CDC42: variants seen among roughly 807,000 people sequenced by gnomAD.
CDC42 encodes cell division cycle 42.
CDC42 carries 1 observed loss-of-function variant against 20.8 expected under a neutral mutation model. That is an observed-to-expected ratio of 0.05 (90% confidence interval 0.02 to 0.23). The LOEUF is 0.23. CDC42 is among the 10% of genes least tolerant of loss of function. CDC42 has a pLI of 1.00. For synonymous variants in CDC42, 72 were observed against 84.8 expected, an observed-to-expected ratio of 0.85 and a Z score of 0.83; for missense variants, 49 against 227.9, an observed-to-expected ratio of 0.21 and a Z score of 5.05.
At chr1:22,054,117 C>G (rs979296542) in intron 1 of CDC42, among the ~76,000 whole-genome samples, 3 of 152,036 alleles carry the variant, frequency 2.0e-5, no homozygotes, top group Non-Finnish European at 4.4e-5. Context: ...CTATGCTAGA[C>G]ATTTTAGTTT....
chr1:22,073,821 T>G (rs1223338297), intron 1 of CDC42, among the ~76,000 whole-genome samples: 1 of 9,432 alleles, frequency 1.1e-4, no homozygotes, highest in African/African-American at 3.0e-4. Context: ...ACCCAGCTAA[T>G]TTTTTTTTTT....
intron 2 of CDC42, among the ~76,000 whole-genome samples, chr1:22,079,997 A>G (rs1335771017): frequency 6.6e-6 from 1 of 152,196 alleles, no homozygotes; most frequent in Non-Finnish European, 1.5e-5. Flanking sequence ...TAATGTTCTC[A>G]TGGTACCTGT....
chr1:22,086,941 T>TA, intron 5 of CDC42, 75 bp downstream of exon 5: 1 of 1,239,336 alleles, frequency 8.1e-7, no homozygotes, highest in Non-Finnish European at 1.2e-6. Context: ...AGGAGTTATT[T>TA]CTAACAGTGA....
intron 1 of CDC42, among the ~76,000 whole-genome samples, chr1:22,057,584 A>G (rs1171583126): frequency 2.6e-5 from 4 of 151,654 alleles, no homozygotes; most frequent in Non-Finnish European, 4.4e-5. Context: ...GGGTTTCTCT[A>G]TGTTGGTCAG....
At position 22,091,608 on chromosome 1, in the gene CDC42, C is replaced by T. The variant is rs1003030499; in HGVS notation, c.*91C>T. The T allele has an allele frequency of 3.5e-5, 35 of 992,144 alleles. No individual in the cohort carries two copies. The highest frequency in any genetic ancestry group is 3.1e-4 in the African/African-American group (19 of 61,336). The allele number at this position is 992,144 out of a possible 1,614,324, so 61.5% of individuals were successfully genotyped here. On this transcript the variant is annotated 3_prime_UTR_variant, in exon 6 of 6. Coordinates refer to ENST00000656825, the MANE Select transcript of CDC42 (RefSeq NM_001791.4). ...AAACTAAAGATTAAAAATTAAAATT[C>T]GTTTTTGCAATAATGACAAATGCCC...
chr1:22,084,185 A>G (rs1027408360), intron 3 of CDC42, among the ~76,000 whole-genome samples: 3 of 152,152 alleles, frequency 2.0e-5, no homozygotes, highest in Non-Finnish European at 4.4e-5. Context: ...TTTGGGGTAT[A>G]TACCCAGAAG....
At chr1:22,067,796 C>A (rs1235550823) in intron 1 of CDC42, among the ~76,000 whole-genome samples, 3 of 152,200 alleles carry the variant, frequency 2.0e-5, no homozygotes, top group African/African-American at 7.2e-5. Flanking sequence ...CTTCTAACAA[C>A]GTCACACTGG....
chr1:22,079,508 TGA>T, intron 2 of CDC42, among the ~76,000 whole-genome samples: 1 of 151,876 alleles, frequency 6.6e-6, no homozygotes, highest in South Asian at 2.1e-4. Context: ...AATATTGAAG[TGA>T]GAGAGAGACA....
In CDC42 at chr1:22,100,243, C is replaced by G. The variant is rs182297916; in HGVS notation, c.*8726C>G. 7.9e-4 allele frequency among the ~76,000 whole-genome samples: 120 copies of G among 152,198 alleles called. No individual in the cohort carries two copies. The highest frequency in any genetic ancestry group is 2.7e-3 in the African/African-American group (111 of 41,538). On this transcript the variant is annotated 3_prime_UTR_variant, in exon 6 of 6. Transcript: ENST00000656825. The stretch of plus-strand genomic sequence containing the variant: ...CTGCAAACGGTCAGGGATACTCATG[C>G]AGTTTTTGAGTTTAAGTAGTAAACT...
chr1:22,055,495 T>G (rs1376930237), intron 1 of CDC42, among the ~76,000 whole-genome samples: 1 of 151,362 alleles, frequency 6.6e-6, no homozygotes, highest in Non-Finnish European at 1.5e-5. Context: ...TGGTGATTTT[T>G]TTTTTTTTTT....
Position 22,097,689 on chromosome 1 carries a change from T to C in CDC42, c.*6172T>C, listed in dbSNP as rs762806896. ...TAGAACTAGCTTGGAACAGAATGGG[T>C]AAACTTCTGTGAAGTTAGACACTTG... is the stretch of plus-strand genomic sequence containing the variant. On this transcript the variant is annotated 3_prime_UTR_variant, in exon 6 of 6. Transcript: ENST00000656825. Among the ~76,000 whole-genome samples, 3 of 152,254 alleles carry C rather than the reference T, an allele frequency of 2.0e-5. No homozygotes were observed. Among genetic ancestry groups the C allele is most frequent in the African/African-American group, 4.8e-5 (2 of 41,470 alleles).
chr1:22,081,791 G>C lies in CDC42; in HGVS notation c.175G>C (p.Ala59Pro). The C allele has an allele frequency of 6.3e-7, 1 of 1,588,348 alleles. No homozygotes were observed. Reference protein sequence around the residue: ...EPYTLGLFDTAGQEDYDRLRP... With the variant: ...EPYTLGLFDTPGQEDYDRLRP... ...ATATACTCTTGGACTTTTTGATACT[G>C]CAGGTGAAAACTTAATGTCTTTTAT... The change falls in exon 3 of 6, where the codon GCA becomes CCA. Residue 59 changes from alanine (A) to proline (P), a missense_variant. Around this residue, in one of 2 missense-constraint regions of CDC42, gnomAD observed 11 missense variants for 121.3 expected, o/e 0.09. Transcript: ENST00000656825.
At chr1:22,055,867 GTTTT>G (rs35437576) in intron 1 of CDC42, among the ~76,000 whole-genome samples, 73 of 126,664 alleles carry the variant, frequency 5.8e-4, no homozygotes, top group African/African-American at 2.1e-3. Flanking sequence ...TTGTTTTAGA[GTTTT>G]TTTTTTTTTT....
intron 1 of CDC42, among the ~76,000 whole-genome samples, chr1:22,071,818 A>T (rs1424689643): frequency 1.3e-5 from 2 of 152,150 alleles, no homozygotes; most frequent in African/African-American, 4.8e-5. Context: ...AGGCAACTTT[A>T]CTTTTAGTGT....
intron 1 of CDC42, among the ~76,000 whole-genome samples, chr1:22,068,082 A>G (rs2473318): frequency 0.93 from 142,130 of 152,040 alleles, 66,481 homozygotes; most frequent in East Asian, 1. Flanking sequence ...ACCCTGTCTC[A>G]AAAACAAAAA....
rs1645737285 is a variant in CDC42, at chr1:22,093,746, A to G, written c.*2229A>G. Among the ~76,000 whole-genome samples the G allele has an allele frequency of 6.6e-6, 1 of 152,208 alleles. No individual in the cohort carries two copies. Among genetic ancestry groups the G allele is most frequent in the South Asian group, 2.1e-4 (1 of 4,830 alleles). ...TCCTTGTTGACTATACTAGGGAGAG[A>G]TACCTGGATCATGTGATACCCTGGA... On this transcript the variant is annotated 3_prime_UTR_variant, in exon 6 of 6. Transcript: ENST00000656825.
rs1045298339 is a variant in CDC42 at position 22,052,747 on chromosome 1, G to C, written c.-51+5G>C. 1 of 152,858 alleles carries C rather than the reference G, an allele frequency of 6.5e-6. No homozygotes were observed. The highest frequency in any genetic ancestry group is 1.5e-5 in the Non-Finnish European group (1 of 68,186). 9.5% of individuals were successfully genotyped at this position (152,858 alleles called of 1,614,324 possible). ...CGCCCCGGTGGAGAAGCTGAGGTGA[G>C]TGCGGGGCCCGAGGTTCCCCGCGGG... On this transcript the variant is annotated splice_donor_5th_base_variant and intron_variant, in intron 1 of 5. Coordinates refer to ENST00000656825, the MANE Select transcript of CDC42 (RefSeq NM_001791.4).
chr1:22,092,414 A>G lies in CDC42; in HGVS notation c.*897A>G, dbSNP rs1645727499. ...AATTAAAAAAATTTTTTTCCCTTTC[A>G]GTCATTGTCTTATATGCTTAGCATA... is the stretch of plus-strand genomic sequence containing the variant. On this transcript the variant is annotated 3_prime_UTR_variant, in exon 6 of 6. Coordinates refer to ENST00000656825, the MANE Select transcript of CDC42 (RefSeq NM_001791.4). 1 of 152,536 alleles carries G rather than the reference A, an allele frequency of 6.6e-6. No homozygotes were observed. The highest frequency in any genetic ancestry group is 2.1e-4 in the South Asian group (1 of 4,822). 9.4% of individuals were successfully genotyped at this position (152,536 alleles called of 1,614,324 possible).
Position 22,097,998 on chromosome 1 carries a change from C to A in CDC42, c.*6481C>A, listed in dbSNP as rs990508967. On this transcript the variant is annotated 3_prime_UTR_variant, in exon 6 of 6. Coordinates refer to ENST00000656825, the MANE Select transcript of CDC42 (RefSeq NM_001791.4). The stretch of plus-strand genomic sequence containing the variant: ...GTATAGCATTTTCTCAACCCTATTA[C>A]AATAGAGCACAGGATCATAACTGTT... 6.6e-6 allele frequency among the ~76,000 whole-genome samples: 1 copy of A among 152,000 alleles called. No homozygotes were observed. The highest frequency in any genetic ancestry group is 2.4e-5 in the African/African-American group (1 of 41,390).
Sources: allele counts gnomAD v4.1 joint callset (sites outside exome capture counted in the v4.1 genomes callset), GRCh38; gene constraint gnomAD v4.1.1; regional missense constraint gnomAD v4.1.1; transcripts MANE v1.5; gene names NCBI Gene and HGNC (gene_info 2026-07-23, HGNC 2026-07-21).